Variants in ITFG1 observed in about 807,000 individuals in gnomAD.
ITFG1 encodes the protein integrin alpha FG-GAP repeat containing 1, also known as T-cell immunomodulatory protein.
Under a neutral mutation model 81.8 loss-of-function variants are expected in ITFG1, and 34 were observed. That is an observed-to-expected ratio of 0.42 (90% CI 0.32 to 0.55). The LOEUF (loss-of-function observed/expected upper bound fraction) is 0.55, where lower values mean the gene tolerates loss of function less well. ITFG1 is among the 20% of genes least tolerant of loss of function. ITFG1 has a pLI of 0.17. For missense variants in ITFG1, 672 were observed against 755.4 expected, an observed-to-expected ratio of 0.89 and a Z score of 1.29; for synonymous variants, 285 against 270.6, an observed-to-expected ratio of 1.05 and a Z score of -0.52.
intron 7 of ITFG1, among the ~76,000 whole-genome samples, chr16:47,367,206 G>A (rs545449975): frequency 1.3e-5 from 2 of 152,312 alleles, no homozygotes; most frequent in Admixed American, 6.5e-5. Context: ...GAGCTTCCAT[G>A]CCCTCTCTGG....
In ITFG1 at chr16:47,313,728, C is replaced by A. The variant is rs754073145; in HGVS notation, c.897+1G>T. 8.5e-6 allele frequency: 13 copies of A among 1,527,250 alleles called. No individual in the cohort carries two copies. Among genetic ancestry groups the A allele is most frequent in the Non-Finnish European group, 9.0e-7 (1 of 1,117,042 alleles). 94.6% of individuals were successfully genotyped at this position (1,527,250 alleles called of 1,614,324 possible). A position where few individuals can be genotyped will look rare whatever the true frequency, so the allele number is the denominator to read the frequency against. The stretch of plus-strand genomic sequence containing the variant: ...TTTACATTAAAAACAACTTGATATA[C>A]CTGCTTCATCCCAGATCTCACTAAG... On this transcript the variant is annotated splice_donor_variant, in intron 9 of 17. Transcript: ENST00000320640. LOFTEE classifies it high-confidence loss of function.
At chr16:47,315,545 TTC>T (rs1967340595) in intron 8 of ITFG1, among the ~76,000 whole-genome samples, 2 of 152,264 alleles carry the variant, frequency 1.3e-5, no homozygotes, top group South Asian at 2.1e-4. Flanking sequence ...CTCCCCTAGT[TTC>T]TCTTTCTTCC....
chr16:47,297,892 G>A (rs771818304), intron 10 of ITFG1, among the ~76,000 whole-genome samples: 6 of 152,104 alleles, frequency 3.9e-5, no homozygotes, highest in Non-Finnish European at 8.8e-5. Flanking sequence ...CAAGACTAGG[G>A]AAATTTTAAC....
At chr16:47,362,266 CT>C (rs943359751) in intron 8 of ITFG1, among the ~76,000 whole-genome samples, 6 of 152,136 alleles carry the variant, frequency 3.9e-5, no homozygotes, top group African/African-American at 1.4e-4. Flanking sequence ...CATTTTAAGA[CT>C]GTTTAAATCT....
chr16:47,448,315 C>T (rs1567504006), intron 5 of ITFG1: 2 of 152,090 alleles, frequency 1.3e-5, no homozygotes, highest in East Asian at 3.9e-4. Flanking sequence ...ATATGAAAGG[C>T]TAAATGGAAA....
intron 13 of ITFG1, among the ~76,000 whole-genome samples, chr16:47,221,920 C>T (rs1459185416): frequency 2.0e-5 from 3 of 152,050 alleles, no homozygotes; most frequent in Admixed American, 6.6e-5. Flanking sequence ...TCTGTGGGAT[C>T]GGTGGTTATA....
chr16:47,347,495 G>A (rs1967874900), intron 8 of ITFG1, among the ~76,000 whole-genome samples: 1 of 152,260 alleles, frequency 6.6e-6, no homozygotes, highest in South Asian at 2.1e-4. Context: ...CAGGGCTGCG[G>A]GAGGGGCGCC....
At chr16:47,412,194 TTCAG>T (rs984523700) in intron 6 of ITFG1, among the ~76,000 whole-genome samples, 2 of 152,150 alleles carry the variant, frequency 1.3e-5, no homozygotes, top group East Asian at 1.9e-4. Context: ...ACTCTGGTAA[TTCAG>T]TCAGAGTGTC....
chr16:47,221,134 A>G (rs1021433518), intron 13 of ITFG1, among the ~76,000 whole-genome samples: 2 of 152,106 alleles, frequency 1.3e-5, no homozygotes, highest in Non-Finnish European at 2.9e-5. Flanking sequence ...AAATGTCACT[A>G]TATGACCTTT....
chr16:47,271,682 C>T (rs1966342799), intron 10 of ITFG1, among the ~76,000 whole-genome samples: 1 of 152,118 alleles, frequency 6.6e-6, no homozygotes, highest in African/African-American at 2.4e-5. Context: ...CATGGTGAAA[C>T]CCCGTCTCTA....
chr16:47,371,857 A>T (rs958775472), intron 7 of ITFG1, among the ~76,000 whole-genome samples: 3 of 152,108 alleles, frequency 2.0e-5, no homozygotes, highest in Non-Finnish European at 4.4e-5. Context: ...GTGATGTGCC[A>T]ACGCTGAAAA....
chr16:47,411,914 T>A (rs1028485002), intron 6 of ITFG1, among the ~76,000 whole-genome samples: 2 of 152,176 alleles, frequency 1.3e-5, no homozygotes, highest in African/African-American at 4.8e-5. Flanking sequence ...ATCTACTGCA[T>A]AGCAACCTAT....
intron 6 of ITFG1, among the ~76,000 whole-genome samples, chr16:47,379,497 G>A (rs1968368299): frequency 6.6e-6 from 1 of 152,024 alleles, no homozygotes; most frequent in African/African-American, 2.4e-5. Flanking sequence ...AGACCAGCTT[G>A]GCCAACATGG....
At chr16:47,344,880 C>G (rs1967830532) in intron 8 of ITFG1, among the ~76,000 whole-genome samples, 1 of 152,176 alleles carries the variant, frequency 6.6e-6, no homozygotes. Context: ...GCTATCCATG[C>G]TGTTGCAAAT....
intron 8 of ITFG1, among the ~76,000 whole-genome samples, chr16:47,320,814 T>C (rs557492101): frequency 6.6e-6 from 1 of 152,326 alleles, no homozygotes; most frequent in East Asian, 1.9e-4. Flanking sequence ...AAAAAAGGCA[T>C]TAACTCCTGG....
At chr16:47,340,246 A>G (rs1234294673) in intron 8 of ITFG1, among the ~76,000 whole-genome samples, 1 of 152,180 alleles carries the variant, frequency 6.6e-6, no homozygotes, top group Non-Finnish European at 1.5e-5. Flanking sequence ...GTAAAAGCAT[A>G]TACCTGGGCA....
intron 14 of ITFG1, among the ~76,000 whole-genome samples, chr16:47,204,766 C>T (rs754803263): frequency 2.6e-5 from 4 of 152,136 alleles, no homozygotes; most frequent in Non-Finnish European, 5.9e-5. Context: ...CTCAAGTGCC[C>T]CAGTCTTTGT....
At chr16:47,416,622 G>GT (rs1968878804) in intron 6 of ITFG1, among the ~76,000 whole-genome samples, 2 of 152,142 alleles carry the variant, frequency 1.3e-5, no homozygotes. Flanking sequence ...ATGGTTCTGA[G>GT]TTCATTCAAG....
intron 6 of ITFG1, among the ~76,000 whole-genome samples, chr16:47,422,307 G>A (rs1022546958): frequency 6.6e-6 from 1 of 152,202 alleles, no homozygotes; most frequent in African/African-American, 2.4e-5. Context: ...GTGTAAAAGT[G>A]TTCCTATTTC....
Sources: gnomAD v4.1 joint callset for allele counts (sites outside exome capture counted in the v4.1 genomes callset) on GRCh38, gnomAD v4.1.1 for gene constraint, MANE v1.5 for transcripts, NCBI Gene and HGNC (gene_info 2026-07-23, HGNC 2026-07-21) for gene names.